The following PRMT3 variants were observed in gnomAD, a reference collection of about 807,000 sequenced individuals.
PRMT3 encodes protein arginine N-methyltransferase 3.
Under a neutral mutation model 71.9 loss-of-function variants are expected in PRMT3, and 62 were observed. The ratio of observed to expected loss-of-function variants is 0.86; its 90% confidence interval spans 0.70 to 1.07. PRMT3 has a LOEUF of 1.07. Ranked by LOEUF, PRMT3 falls within the 50% of genes least tolerant of loss-of-function variation. The probability of loss-of-function intolerance (pLI) is 0.00; values close to 1 mark genes in which losing one functional copy is unlikely to be tolerated. For synonymous variants in PRMT3, 213 were observed against 220.4 expected, an observed-to-expected ratio of 0.97 and a Z score of 0.30; for missense variants, 663 against 643.0, an observed-to-expected ratio of 1.03 and a Z score of -0.34.
At position 20,391,169 on chromosome 11, in the gene PRMT3, CAT is replaced by C. The variant is rs375761333; in HGVS notation, c.248-1041_248-1040del. ...AGTGTCAGATAAATACGTGATATCA[CAT>C]GTTTATAAATCATAAATTCAACTGC... On this transcript the variant is annotated intron_variant, in intron 3 of 15. Transcript: ENST00000331079. Among the ~76,000 whole-genome samples, 32 of 152,280 alleles carry C rather than the reference CAT, an allele frequency of 2.1e-4. No homozygotes were observed. The East Asian group carries it at 3.5e-3, about 17-fold the overall frequency.
At chr11:20,399,235 G>A (rs1590033976) in intron 7 of PRMT3, among the ~76,000 whole-genome samples, 2 of 152,202 alleles carry the variant, frequency 1.3e-5, no homozygotes, top group East Asian at 1.9e-4. Context: ...TGAAGCATAG[G>A]CATTTAAGCT....
intron 10 of PRMT3, among the ~76,000 whole-genome samples, chr11:20,443,514 A>T (rs1010327183): frequency 6.6e-6 from 1 of 152,230 alleles, no homozygotes; most frequent in African/African-American, 2.4e-5. Flanking sequence ...TGTTATGCAC[A>T]ATTATGAAGT....
Position 20,478,682 on chromosome 11 carries a change from C to T in PRMT3, c.1347+14136C>T, listed in dbSNP as rs533032773. Among the ~76,000 whole-genome samples, 3 of 152,238 alleles carry T rather than the reference C, an allele frequency of 2.0e-5. No individual in the cohort carries two copies. In the South Asian group the frequency reaches 6.2e-4, roughly 32 times the overall value. ...ATTAAAAGAAACTTTAAAATGTTTA[C>T]AGTTCAAACCAGTGATCTCTTAGTC... is the stretch of plus-strand genomic sequence containing the variant. On this transcript the variant is annotated intron_variant, in intron 13 of 15. Coordinates refer to ENST00000331079, the MANE Select transcript of PRMT3 (RefSeq NM_005788.4).
intron 4 of PRMT3, 99 bp from the exon 5 acceptor site, chr11:20,392,798 C>A: frequency 1.3e-6 from 1 of 783,910 alleles, no homozygotes; most frequent in Non-Finnish European, 2.1e-6. Context: ...TTGTGTAATG[C>A]AAACATGATT....
Position 20,389,813 on chromosome 11 carries a change from G to T in PRMT3, c.234G>T (p.Met78Ile), listed in dbSNP as rs1161376348. Residue 78 changes from methionine to isoleucine, a missense_variant, in exon 3 of 16, where the codon ATG becomes ATT. By Grantham distance (10) the Met-to-Ile change is conservative. Coordinates refer to ENST00000331079, the MANE Select transcript of PRMT3 (RefSeq NM_005788.4). The stretch of plus-strand genomic sequence containing the variant: ...AGCATCAGTTTAATATTGACAGCAT[G>T]GTTCATAAACATGGTGAGTAGTTTT... ...KSEHQFNIDS[M>I]VHKHGLEFYG... The T allele has an allele frequency of 6.2e-7, 1 of 1,609,610 alleles. No individual in the cohort carries two copies. The highest frequency in any genetic ancestry group is 8.5e-7 in the Non-Finnish European group (1 of 1,176,228).
At chr11:20,454,956 T>G (rs1850234761) in intron 11 of PRMT3, among the ~76,000 whole-genome samples, 3 of 152,128 alleles carry the variant, frequency 2.0e-5, no homozygotes, top group African/African-American at 7.2e-5. Context: ...GTTTTAGAGT[T>G]ATATATTTAC....
chr11:20,498,751 A>G (rs964436996), intron 15 of PRMT3, among the ~76,000 whole-genome samples: 2 of 152,216 alleles, frequency 1.3e-5, no homozygotes, highest in African/African-American at 4.8e-5. Flanking sequence ...AAGAATATTC[A>G]TCAAAAACTG....
chr11:20,460,505 G>A (rs540441044), intron 11 of PRMT3, among the ~76,000 whole-genome samples: 1 of 152,068 alleles, frequency 6.6e-6, no homozygotes, highest in South Asian at 2.1e-4. Flanking sequence ...CAGCTTCTCG[G>A]TCAAGTCCCT....
At chr11:20,476,652 T>TAAAAAGTAGGTGAAAAA (rs1850793835) in intron 13 of PRMT3, among the ~76,000 whole-genome samples, 2 of 152,194 alleles carry the variant, frequency 1.3e-5, no homozygotes, top group East Asian at 1.9e-4. Context: ...ACTTTTTAAT[T>TAAAAAGTAGGTGAAAAA]CATTATTTCT....
chr11:20,483,926 G>C (rs1851008807), intron 13 of PRMT3, among the ~76,000 whole-genome samples: 1 of 152,220 alleles, frequency 6.6e-6, no homozygotes, highest in Admixed American at 6.5e-5. Context: ...TTTCTCTGAA[G>C]TTGTTGCATC....
At chr11:20,472,615 T>TCA (rs1850673495) in intron 13 of PRMT3, among the ~76,000 whole-genome samples, 1 of 145,402 alleles carries the variant, frequency 6.9e-6, no homozygotes, top group Admixed American at 7.2e-5. Flanking sequence ...TCATCAAGGA[T>TCA]ATTGGCCTGA....
At chr11:20,413,001 T>C (rs1006198344) in intron 9 of PRMT3, among the ~76,000 whole-genome samples, 23 of 152,300 alleles carry the variant, frequency 1.5e-4, no homozygotes, top group African/African-American at 5.3e-4. Flanking sequence ...ATAGCCAGTT[T>C]GCAATTCCTT....
chr11:20,419,555 T>A (rs569939532), intron 9 of PRMT3, among the ~76,000 whole-genome samples: 1 of 152,212 alleles, frequency 6.6e-6, no homozygotes, highest in African/African-American at 2.4e-5. Context: ...GAGTAAGGAA[T>A]CTGTACCTTT....
At chr11:20,398,580 G>A (rs1302038413) in intron 7 of PRMT3, among the ~76,000 whole-genome samples, 1 of 152,198 alleles carries the variant, frequency 6.6e-6, no homozygotes. Flanking sequence ...AGCCTACCGA[G>A]TAGCTGGGAC....
intron 9 of PRMT3, among the ~76,000 whole-genome samples, chr11:20,425,184 G>A (rs1849520501): frequency 1.3e-5 from 2 of 151,940 alleles, no homozygotes; most frequent in Non-Finnish European, 2.9e-5. Flanking sequence ...AGAAGACATG[G>A]GAATATGGCA....
At chr11:20,426,054 A>C (rs1017684552) in intron 9 of PRMT3, among the ~76,000 whole-genome samples, 4 of 152,234 alleles carry the variant, frequency 2.6e-5, no homozygotes, top group Admixed American at 6.5e-5. Flanking sequence ...CATATTACAG[A>C]AGAAGGGGAA....
At chr11:20,398,180 TTA>T (rs1175970539) in intron 7 of PRMT3, among the ~76,000 whole-genome samples, 8 of 152,194 alleles carry the variant, frequency 5.3e-5, no homozygotes, top group East Asian at 3.8e-4. Flanking sequence ...ATGGATTAAA[TTA>T]TATATTACCT....
intron 10 of PRMT3, among the ~76,000 whole-genome samples, chr11:20,451,013 G>A (rs1028987802): frequency 6.6e-6 from 1 of 152,108 alleles, no homozygotes; most frequent in African/African-American, 2.4e-5. Context: ...GCTGCATAGG[G>A]CTGTTGGGGG....
At chr11:20,474,423 G>A (rs1213183235) in intron 13 of PRMT3, among the ~76,000 whole-genome samples, 1 of 152,234 alleles carries the variant, frequency 6.6e-6, no homozygotes, top group African/African-American at 2.4e-5. Flanking sequence ...CCTGGATTCA[G>A]TTCCCCTCCT....
Sources: gnomAD v4.1 joint callset for allele counts (sites outside exome capture counted in the v4.1 genomes callset) on GRCh38, gnomAD v4.1.1 for gene constraint, MANE v1.5 for transcripts, NCBI Gene and HGNC (gene_info 2026-07-23, HGNC 2026-07-21) for gene names.